The following TMED3 variants were observed in gnomAD, a reference collection of about 807,000 sequenced individuals.
TMED3 encodes transmembrane emp24 domain-containing protein 3.
TMED3 carries 9 observed loss-of-function variants against 15.0 expected under a neutral mutation model. The ratio of observed to expected loss-of-function variants is 0.60; its 90% confidence interval spans 0.36 to 1.04. The LOEUF (loss-of-function observed/expected upper bound fraction) is 1.04. Ranked by LOEUF, TMED3 falls within the 50% of genes least tolerant of loss-of-function variation. The pLI is 0.01. For missense variants in TMED3, 267 were observed against 278.9 expected, an observed-to-expected ratio of 0.96 and a Z score of 0.30; for synonymous variants, 117 against 121.4, an observed-to-expected ratio of 0.96 and a Z score of 0.24.
chr15:79,382,505 C>T (rs1893552565), intron 2 of TMED3, among the ~76,000 whole-genome samples: 1 of 152,206 alleles, frequency 6.6e-6, no homozygotes, highest in Non-Finnish European at 1.5e-5. Flanking sequence ...AGTTCTGTTG[C>T]AAAGGGAGAG....
At chr15:79,338,547 G>A (rs8023636) in intron 2 of TMED3, among the ~76,000 whole-genome samples, 144,841 of 152,272 alleles carry the variant, frequency 0.95, 69,154 homozygotes, top group Non-Finnish European at 1. Flanking sequence ...TTCCTGTATA[G>A]TAAAATATAA....
chr15:79,399,188 G>C (rs568312226), intron 2 of TMED3, among the ~76,000 whole-genome samples: 2 of 152,146 alleles, frequency 1.3e-5, no homozygotes, highest in Non-Finnish European at 2.9e-5. Context: ...TGGAATTACA[G>C]GCATGAGCCA....
At chr15:79,339,843 G>A (rs1205814529) in intron 2 of TMED3, among the ~76,000 whole-genome samples, 1 of 151,290 alleles carries the variant, frequency 6.6e-6, no homozygotes, top group Non-Finnish European at 1.5e-5. Flanking sequence ...GGTGATGATG[G>A]TGGTGATTAG....
Position 79,311,391 on chromosome 15 carries a change from G to A in TMED3, c.142G>A (p.Gly48Ser), listed in dbSNP as rs1460370961. The stretch of plus-strand genomic sequence containing the variant: ...GTGCTTCCACGAGGAGGTGGAGCAG[G>A]GCGTGAAGTTCTCCCTGGATTACCA... ...KQCFHEEVEQGVKFSLDYQVI... is the reference protein window; with the variant it reads ...KQCFHEEVEQSVKFSLDYQVI... Residue 48 changes from glycine (G) to serine (S), a missense_variant, in exon 1 of 3, where the codon GGC becomes AGC. This residue lies in a region of TMED3 where 69 missense variants were observed against 106.8 expected (regional missense o/e 0.65). Transcript: ENST00000299705. 6 of 1,611,550 alleles carry A rather than the reference G, an allele frequency of 3.7e-6. No individual in the cohort carries two copies. Among genetic ancestry groups the A allele is most frequent in the Non-Finnish European group, 5.1e-6 (6 of 1,179,300 alleles).
chr15:79,384,545 C>T (rs1052176521), intron 2 of TMED3: 1 of 152,166 alleles, frequency 6.6e-6, no homozygotes, highest in East Asian at 1.9e-4. Context: ...TGCTGTGATT[C>T]CCTGGCAGTA....
At chr15:79,400,154 C>G (rs1893815386) in intron 2 of TMED3, among the ~76,000 whole-genome samples, 1 of 152,218 alleles carries the variant, frequency 6.6e-6, no homozygotes, top group Non-Finnish European at 1.5e-5. Flanking sequence ...TGCATCTGCT[C>G]TTTCCTTTGC....
chr15:79,339,367 G>A (rs2058840940), intron 2 of TMED3, among the ~76,000 whole-genome samples: 1 of 152,124 alleles, frequency 6.6e-6, no homozygotes, highest in Admixed American at 6.5e-5. Context: ...GGTCCCCCGG[G>A]CCCAGGTGTC....
chr15:79,325,910 AGCCG>A (rs142903336), downstream of TMED3, among the ~76,000 whole-genome samples: 1,488 of 152,298 alleles, frequency 9.8e-3, 22 homozygotes, highest in African/African-American at 0.033. Context: ...CGCTGCTGGC[AGCCG>A]ATTGAATGGT....
At position 79,346,971 on chromosome 15, in the gene TMED3, A is replaced by G. The variant is rs140864300; in HGVS notation, c.417+32966A>G. ...AGATGTACAAAGACGATCTGGTAGCATTTCTGCTAAAACTACTCCAAAAAT... is the reference window on the plus strand; with the variant it reads ...AGATGTACAAAGACGATCTGGTAGCGTTTCTGCTAAAACTACTCCAAAAAT... On this transcript the variant is annotated intron_variant, in intron 2 of 2. Transcript: ENST00000424155. Among the ~76,000 whole-genome samples, 1,286 of 152,268 alleles carry G rather than the reference A, an allele frequency of 8.4e-3. 26 individuals carry two copies. The highest frequency in any genetic ancestry group is 0.03 in the African/African-American group (1,231 of 41,534).
intron 2 of TMED3, 43 bp from the exon 3 acceptor site, chr15:79,321,935 G>T: frequency 3.8e-6 from 6 of 1,598,932 alleles, no homozygotes; most frequent in Non-Finnish European, 5.1e-6. Context: ...TCCCACATTT[G>T]TCTATGGGTT....
At chr15:79,342,051 C>T (rs773520986) in intron 2 of TMED3, among the ~76,000 whole-genome samples, 16 of 152,034 alleles carry the variant, frequency 1.1e-4, no homozygotes, top group Non-Finnish European at 1.9e-4. Context: ...AACTAAAAAA[C>T]GTGGATGGGG....
intron 2 of TMED3, among the ~76,000 whole-genome samples, chr15:79,343,837 A>G (rs1171664410): frequency 6.6e-6 from 1 of 152,186 alleles, no homozygotes; most frequent in Non-Finnish European, 1.5e-5. Context: ...GATGAGCCTG[A>G]CTGTGGGAAG....
chr15:79,382,401 A>T (rs1377503104), intron 2 of TMED3, among the ~76,000 whole-genome samples: 1 of 152,196 alleles, frequency 6.6e-6, no homozygotes, highest in African/African-American at 2.4e-5. Flanking sequence ...AATAGTTGTG[A>T]CTAGCCCTAC....
At chr15:79,380,593 A>AGT (rs1893514511) in intron 2 of TMED3, among the ~76,000 whole-genome samples, 1 of 143,692 alleles carries the variant, frequency 7.0e-6, no homozygotes, top group Admixed American at 6.9e-5. Context: ...ATATATATAT[A>AGT]TATATATAGA....
chr15:79,372,397 TCTC>T (rs776014213), intron 2 of TMED3, among the ~76,000 whole-genome samples: 34 of 152,150 alleles, frequency 2.2e-4, no homozygotes, highest in Non-Finnish European at 3.7e-4. Flanking sequence ...ATCTGAGACT[TCTC>T]CTCTCCTCTC....
At chr15:79,365,956 G>A (rs962007960) in intron 2 of TMED3, among the ~76,000 whole-genome samples, 2 of 152,186 alleles carry the variant, frequency 1.3e-5, no homozygotes, top group Non-Finnish European at 2.9e-5. Context: ...GTTATCTTGT[G>A]TGGAGTCCTA....
rs147266856 is a variant in TMED3, at chr15:79,350,248, A to G, written c.417+36243A>G. Among the ~76,000 whole-genome samples, 13 of 152,322 alleles carry G rather than the reference A, an allele frequency of 8.5e-5. No homozygotes were observed. In the East Asian group the frequency reaches 2.5e-3, roughly 29 times the overall value. On this transcript the variant is annotated intron_variant, in intron 2 of 2. Coordinates refer to the TMED3 transcript ENST00000424155. Reference sequence around the variant, plus strand: ...GAATGTGTTAGGGTTCTCCAAAGGAACAGAAGTAACAGGATATATGTATAT... The same window carrying G: ...GAATGTGTTAGGGTTCTCCAAAGGAGCAGAAGTAACAGGATATATGTATAT...
At chr15:79,314,657 T>C in intron 2 of TMED3, 2 of 416,936 alleles carry the variant, frequency 4.8e-6, no homozygotes, top group South Asian at 3.3e-5. Context: ...GTCCCATGGG[T>C]GAGAACTTAG....
chr15:79,352,640 G>A (rs1271002513), intron 2 of TMED3, among the ~76,000 whole-genome samples: 7 of 138,390 alleles, frequency 5.1e-5, no homozygotes, highest in Admixed American at 3.9e-4. Flanking sequence ...TTCTCAAAGC[G>A]GAAAACACAA....
Sources: allele counts gnomAD v4.1 joint callset (sites outside exome capture counted in the v4.1 genomes callset), GRCh38; gene constraint gnomAD v4.1.1; regional missense constraint gnomAD v4.1.1; transcripts MANE v1.5; gene names NCBI Gene and HGNC (gene_info 2026-07-23, HGNC 2026-07-21).